HNRNPA3: variants seen among roughly 807,000 people sequenced by gnomAD.
HNRNPA3 encodes the protein heterogeneous nuclear ribonucleoprotein A3, also known as epididymis secretory sperm binding protein.
In HNRNPA3, 3 loss-of-function variants were observed where a neutral mutation model predicts 45.8. The ratio of observed to expected loss-of-function variants is 0.07; its 90% CI spans 0.03 to 0.17. HNRNPA3 has a LOEUF of 0.17. Ranked by LOEUF, HNRNPA3 falls within the 10% of genes least tolerant of loss-of-function variation. The pLI is 1.00. For synonymous variants in HNRNPA3, 170 were observed against 155.6 expected, an observed-to-expected ratio of 1.09 and a Z score of -0.69; for missense variants, 183 against 480.3, an observed-to-expected ratio of 0.38 and a Z score of 5.79.
At chr2:177,215,700 A>G in intron 2 of HNRNPA3, 39 bp downstream of exon 2, 1 of 1,610,768 alleles carries the variant, frequency 6.2e-7, no homozygotes, top group Non-Finnish European at 8.5e-7. Flanking sequence ...TAAGGGGTGT[A>G]GAGAACCGGT....
chr2:177,215,476 C>G, intron 1 of HNRNPA3, 63 bp from the exon 2 acceptor site: 1 of 1,497,144 alleles, frequency 6.7e-7, no homozygotes, highest in Non-Finnish European at 9.3e-7. Context: ...ACATTAAAGG[C>G]TCTTCGTGCA....
downstream of HNRNPA3, chr2:177,222,253 A>T (rs983754997): frequency 6.6e-6 from 1 of 152,446 alleles, no homozygotes. Context: ...TCTTCAACTG[A>T]AAACTACCTT....
At chr2:177,220,282 T>A (rs1432950632), downstream of HNRNPA3, 16 of 152,662 alleles carry the variant, frequency 1.0e-4, no homozygotes, top group African/African-American at 3.9e-4. Context: ...GTGTAAAGAA[T>A]GTTTACTGCC....
chr2:177,220,847 T>C (rs1262861556), downstream of HNRNPA3: 1 of 152,200 alleles, frequency 6.6e-6, no homozygotes, highest in Non-Finnish European at 1.5e-5. Flanking sequence ...TATAAACCAA[T>C]GTCTACTGTT....
At chr2:177,216,827 T>C (rs1300921037) in intron 6 of HNRNPA3, 33 bp from the exon 7 acceptor site, 3 of 1,613,068 alleles carry the variant, frequency 1.9e-6, no homozygotes, top group African/African-American at 1.3e-5. Context: ...AAGTTGAATA[T>C]ATTATTTTAA....
intron 8 of HNRNPA3, among the ~76,000 whole-genome samples, chr2:177,218,305 G>T (rs553988860): frequency 1.1e-4 from 16 of 152,114 alleles, no homozygotes; most frequent in Non-Finnish European, 1.8e-4. Context: ...CTTGTGATCT[G>T]CCCGCTTCTG....
At chr2:177,215,485 C>T in intron 1 of HNRNPA3, 54 bp from the exon 2 acceptor site, 1 of 1,557,246 alleles carries the variant, frequency 6.4e-7, no homozygotes, top group Non-Finnish European at 8.8e-7. Context: ...GCTCTTCGTG[C>T]ATCTTAATTC....
rs573496409 is a variant in HNRNPA3 at position 177,217,971 on chromosome 2, ATGGT to A, written c.961+131_961+134del. 1.1e-3 allele frequency: 1,080 copies of A among 1,002,668 alleles called. 4 individuals are homozygous for A. In the African/African-American group the frequency reaches 0.012, roughly 11 times the overall value. 62.1% of individuals were successfully genotyped at this position (1,002,668 alleles called of 1,614,324 possible). A position where few individuals can be genotyped will look rare whatever the true frequency, so the allele number is the denominator to read the frequency against. On this transcript the variant is annotated intron_variant, in intron 8 of 10. Coordinates refer to ENST00000392524, the Ensembl canonical transcript of HNRNPA3. The stretch of plus-strand genomic sequence containing the variant: ...TATGTTCTATAAGAAAAATACTAAA[ATGGT>A]TGGTAGTTCAAACCAAATTTTCTTG...
At chr2:177,220,916 T>A (rs1399309987), downstream of HNRNPA3, 1 of 152,604 alleles carries the variant, frequency 6.6e-6, no homozygotes, top group Non-Finnish European at 1.5e-5. Context: ...CTGCTGTTAC[T>A]CTCTTTGGTA....
At chr2:177,218,605 T>C (rs1392546424) in intron 8 of HNRNPA3, among the ~76,000 whole-genome samples, 1 of 152,154 alleles carries the variant, frequency 6.6e-6, no homozygotes, top group East Asian at 1.9e-4. Flanking sequence ...ATGTCACAGG[T>C]AGTTGAAGCG....
At chr2:177,218,332 G>A (rs1424150113) in intron 8 of HNRNPA3, among the ~76,000 whole-genome samples, 1 of 152,104 alleles carries the variant, frequency 6.6e-6, no homozygotes, top group Non-Finnish European at 1.5e-5. Flanking sequence ...AAAGTACTGG[G>A]ATTACAGGCA....
At chr2:177,213,455 A>T (rs1481167885) in intron 1 of HNRNPA3, among the ~76,000 whole-genome samples, 1 of 152,232 alleles carries the variant, frequency 6.6e-6, no homozygotes, top group African/African-American at 2.4e-5. Flanking sequence ...ACGCTTTTCT[A>T]GGCCTTTTAC....
intron 7 of HNRNPA3, among the ~76,000 whole-genome samples, chr2:177,217,498 C>T (rs1477917905): frequency 6.6e-6 from 1 of 152,164 alleles, no homozygotes; most frequent in Non-Finnish European, 1.5e-5. Flanking sequence ...AACATGGTGG[C>T]ACATGCCCAT....
At position 177,216,665 on chromosome 2, in the gene HNRNPA3, C is replaced by T. The variant is rs1188456536; in HGVS notation, c.644-11C>T. On this transcript the variant is annotated splice_polypyrimidine_tract_variant and intron_variant, in intron 5 of 10. Transcript: ENST00000392524. ...TAAGGTTCTTAAAAATCTCCCTTGC[C>T]TGTATTAAAGGTCGTGGAGGTGGAT... 6.2e-7 allele frequency: 1 copy of T among 1,613,876 alleles called. No homozygotes were observed. The highest frequency in any genetic ancestry group is 8.5e-7 in the Non-Finnish European group (1 of 1,179,928).
intron 1 of HNRNPA3, 74 bp from the exon 2 acceptor site, chr2:177,215,465 T>G: frequency 7.0e-7 from 1 of 1,422,802 alleles, no homozygotes; most frequent in Non-Finnish European, 9.8e-7. Context: ...TTACTTACCG[T>G]ACATTAAAGG....
chr2:177,220,233 T>G (rs1441498251), downstream of HNRNPA3: 1 of 152,668 alleles, frequency 6.6e-6, no homozygotes, highest in Non-Finnish European at 1.5e-5. Flanking sequence ...TATTCTACAT[T>G]TACCTTGGTC....
downstream of HNRNPA3, chr2:177,220,395 A>G (rs1689136773): frequency 6.5e-6 from 1 of 154,474 alleles, no homozygotes; most frequent in Admixed American, 6.5e-5. Context: ...AGCCTGCTAT[A>G]TCTGAGCAAA....
downstream of HNRNPA3, chr2:177,222,698 GGAGGCTGCCTTGATATCAGGCAGTC>G (rs1689235879): frequency 6.6e-6 from 1 of 152,314 alleles, no homozygotes; most frequent in African/African-American, 2.4e-5. Context: ...CAGCTATTTG[GGAGGCTGCCTTGATATCAGGCAGTC>G]GAGGCTGCAG....
intron 4 of HNRNPA3, 28 bp downstream of exon 4, chr2:177,216,216 T>C: frequency 3.5e-6 from 5 of 1,415,422 alleles, no homozygotes; most frequent in Non-Finnish European, 4.9e-6. Context: ...GTAACTTGAA[T>C]GAGAAAGTAG....
Sources: allele counts gnomAD v4.1 joint callset (sites outside exome capture counted in the v4.1 genomes callset), GRCh38; gene constraint gnomAD v4.1.1; transcripts MANE v1.5; gene names NCBI Gene and HGNC (gene_info 2026-07-23, HGNC 2026-07-21).